Variants in CADPS observed in about 807,000 individuals in gnomAD.
CADPS encodes calcium dependent secretion activator.
Under a neutral mutation model 167.3 loss-of-function variants are expected in CADPS, and 57 were observed. That is an observed-to-expected ratio of 0.34 (90% CI 0.28 to 0.42). The LOEUF (loss-of-function observed/expected upper bound fraction) is 0.42, where lower values mean the gene tolerates loss of function less well. CADPS is among the 20% of genes least tolerant of loss of function. The pLI is 1.00. For synonymous variants in CADPS, 676 were observed against 635.3 expected (o/e 1.06, Z -0.96); for missense variants, 1,414 against 1,738.1 (o/e 0.81, Z 3.32).
At chr3:62,477,515 C>T (rs1465535251) in intron 23 of CADPS, among the ~76,000 whole-genome samples, 1 of 152,076 alleles carries the variant, frequency 6.6e-6, no homozygotes, top group East Asian at 1.9e-4. Context: ...AAGAACTTAG[C>T]CCTGTGCCTG....
intron 6 of CADPS, among the ~76,000 whole-genome samples, chr3:62,642,742 CTACAAAAACA>C (rs749464279): frequency 6.6e-6 from 1 of 152,024 alleles, no homozygotes; most frequent in Non-Finnish European, 1.5e-5. Context: ...AACCCCATCT[CTACAAAAACA>C]TACAAAAATT....
chr3:62,483,391 C>T (rs1226351981), intron 21 of CADPS, among the ~76,000 whole-genome samples: 1 of 150,924 alleles, frequency 6.6e-6, no homozygotes, highest in Non-Finnish European at 1.5e-5. Flanking sequence ...GAGGTGGGTA[C>T]ATGCCTTCTG....
intron 1 of CADPS, among the ~76,000 whole-genome samples, chr3:62,846,734 G>C (rs1452228049): frequency 1.3e-5 from 2 of 152,096 alleles, no homozygotes; most frequent in Non-Finnish European, 2.9e-5. Context: ...CACGATCTTG[G>C]TTCATTACAA....
intron 3 of CADPS, among the ~76,000 whole-genome samples, chr3:62,723,478 A>G (rs1293804361): frequency 6.6e-6 from 1 of 152,142 alleles, no homozygotes; most frequent in Non-Finnish European, 1.5e-5. Flanking sequence ...GTCTGAATAT[A>G]CATGAGCTAG....
intron 28 of CADPS, among the ~76,000 whole-genome samples, chr3:62,430,430 T>G (rs1034956975): frequency 1.3e-5 from 2 of 152,260 alleles, no homozygotes; most frequent in South Asian, 2.1e-4. Context: ...TTATCAAAAC[T>G]GTTAAAAGCA....
intron 1 of CADPS, among the ~76,000 whole-genome samples, chr3:62,863,176 T>G (rs987584938): frequency 1.6e-4 from 24 of 152,136 alleles, no homozygotes; most frequent in Admixed American, 1.6e-3. Flanking sequence ...AGTTATACAT[T>G]GAAGTAAGGT....
chr3:62,517,142 G>A (rs371556018), intron 14 of CADPS, among the ~76,000 whole-genome samples: 27 of 152,106 alleles, frequency 1.8e-4, no homozygotes, highest in African/African-American at 6.3e-4. Context: ...GTCTGCTACC[G>A]GTAATGCATT....
At chr3:62,664,218 A>C (rs1579959308) in intron 3 of CADPS, among the ~76,000 whole-genome samples, 2 of 152,118 alleles carry the variant, frequency 1.3e-5, no homozygotes, top group African/African-American at 2.4e-5. Context: ...GGTTGGCCAG[A>C]CTGGTCTGCG....
intron 28 of CADPS, among the ~76,000 whole-genome samples, chr3:62,410,961 C>T (rs1364335656): frequency 1.3e-5 from 2 of 152,166 alleles, no homozygotes; most frequent in South Asian, 2.1e-4. Flanking sequence ...AAAAATTAGC[C>T]AAGTATGGTG....
At chr3:62,829,357 G>A (rs2074647682) in intron 1 of CADPS, among the ~76,000 whole-genome samples, 1 of 152,108 alleles carries the variant, frequency 6.6e-6, no homozygotes, top group Admixed American at 6.6e-5. Flanking sequence ...TAAATTATAT[G>A]AGAGGCTATG....
rs753229826 is a variant in CADPS at position 62,533,076 on chromosome 3, G to A, written c.2104-18C>T. The A allele has an allele frequency of 6.2e-7, 1 of 1,601,854 alleles. No individual in the cohort carries two copies. Among genetic ancestry groups the A allele is most frequent in the South Asian group, 1.1e-5 (1 of 90,568 alleles). ...AACCAGCCCTATATAAAGAATAAAG[G>A]AGAGACTTTCTTTTAAATACAGGTT... On this transcript the variant is annotated intron_variant, in intron 12 of 29. Transcript: ENST00000383710.
chr3:62,641,942 G>A (rs2067504652), intron 6 of CADPS, among the ~76,000 whole-genome samples: 1 of 152,056 alleles, frequency 6.6e-6, no homozygotes, highest in South Asian at 2.1e-4. Context: ...TTATACAACT[G>A]ATCCAATATG....
rs930322151 is a variant in CADPS, at chr3:62,550,227, G to A, written c.1754-112C>T. On this transcript the variant is annotated intron_variant, in intron 10 of 29. Coordinates refer to ENST00000383710, the MANE Select transcript of CADPS (RefSeq NM_003716.4). ...GCTTTTCCTTGGGACAGAAGAGGGG[G>A]GTAGTGATTAACTTAGGATGGGAAG... 20 of 752,806 alleles carry A rather than the reference G, an allele frequency of 2.7e-5. No individual in the cohort carries two copies. In the East Asian group the frequency reaches 3.9e-4, roughly 15 times the overall value. The allele number at this position is 752,806 out of a possible 1,614,324, so 46.6% of individuals were successfully genotyped here. A position where few individuals can be genotyped will look rare whatever the true frequency, so the allele number is the denominator to read the frequency against.
At chr3:62,635,079 G>A (rs994174600) in intron 6 of CADPS, among the ~76,000 whole-genome samples, 6 of 152,172 alleles carry the variant, frequency 3.9e-5, no homozygotes, top group Non-Finnish European at 8.8e-5. Flanking sequence ...GCTATTTCTA[G>A]AGACCAGGTT....
rs533945610 is a variant in CADPS at position 62,399,703 on chromosome 3, G to T, written c.3883-118C>A. The T allele has an allele frequency of 2.4e-4, 174 of 739,058 alleles. No homozygotes were observed. Among genetic ancestry groups the T allele is most frequent in the Non-Finnish European group, 3.5e-4 (158 of 446,446 alleles). 45.8% of individuals were successfully genotyped at this position (739,058 alleles called of 1,614,324 possible). A position where few individuals can be genotyped will look rare whatever the true frequency, so the allele number is the denominator to read the frequency against. ...CCTTCAGCTAAATATCACACTTTAT[G>T]CATTGTCAAATAAAAAGCCACTGTG... On this transcript the variant is annotated intron_variant, in intron 29 of 29. Coordinates refer to ENST00000383710, the MANE Select transcript of CADPS (RefSeq NM_003716.4). This position sits in a 1 kb window ranked among gnomAD's most constrained non-coding sequence, Gnocchi z 5.6.
chr3:62,629,072 T>C (rs1292435397), intron 6 of CADPS, among the ~76,000 whole-genome samples: 1 of 152,166 alleles, frequency 6.6e-6, no homozygotes, highest in South Asian at 2.1e-4. Context: ...AAAGAACATA[T>C]GTAACATGGA....
At chr3:62,669,395 T>C (rs2075107915) in intron 3 of CADPS, among the ~76,000 whole-genome samples, 1 of 152,192 alleles carries the variant, frequency 6.6e-6, no homozygotes, top group South Asian at 2.1e-4. Flanking sequence ...AAGTTACAGC[T>C]GGGACAGTGT....
intron 21 of CADPS, among the ~76,000 whole-genome samples, chr3:62,483,909 G>A (rs1053193917): frequency 1.4e-4 from 21 of 152,098 alleles, no homozygotes; most frequent in African/African-American, 2.2e-4. Flanking sequence ...ATGGCAGCCC[G>A]GAAAGTTAAA....
At chr3:62,680,967 A>C (rs567660068) in intron 3 of CADPS, among the ~76,000 whole-genome samples, 1 of 152,130 alleles carries the variant, frequency 6.6e-6, no homozygotes, top group African/African-American at 2.4e-5. Context: ...GTCTGGGCTC[A>C]GTGCCCACCT....
Sources: allele counts gnomAD v4.1 joint callset (sites outside exome capture counted in the v4.1 genomes callset), GRCh38; gene constraint gnomAD v4.1.1; non-coding constraint Gnocchi (gnomAD v3.1); transcripts MANE v1.5; gene names NCBI Gene and HGNC (gene_info 2026-07-23, HGNC 2026-07-21).